Variants in TOX4 observed in about 807,000 individuals in gnomAD.
The protein encoded by TOX4 is epidermal Langerhans cell protein LCP1.
A neutral mutation model predicts 61.0 loss-of-function variants in TOX4; 12 were observed. The observed-to-expected ratio is 0.20, with a 90% CI of 0.13 to 0.32. TOX4 has a LOEUF of 0.32. Ranked by LOEUF, TOX4 falls within the 10% of genes least tolerant of loss-of-function variation. The pLI is 1.00. For missense variants in TOX4, 499 were observed against 753.3 expected, an observed-to-expected ratio of 0.66 and a Z score of 3.95; for synonymous variants, 268 against 274.8, an observed-to-expected ratio of 0.98 and a Z score of 0.24.
At position 21,477,512 on chromosome 14, in the gene TOX4, A is replaced by T; in HGVS notation, c.23A>T (p.Asp8Val). Residue 8 changes from aspartate to valine, a missense_variant, in exon 2 of 9, where the codon GAC becomes GTC. Physicochemically the swap from Asp to Val is radical, Grantham distance 152. Coordinates refer to ENST00000448790, the MANE Select transcript of TOX4 (RefSeq NM_014828.4). MEFPGGN[D>V]NYLTITGPSH... ...GGTTTCCAGTTTCCCGGAGGAAATG[A>T]CAATTACCTGACGATCACAGGGCCT... 6.2e-7 allele frequency: 1 copy of T among 1,613,590 alleles called. No homozygotes were observed. Among genetic ancestry groups the T allele is most frequent in the Non-Finnish European group, 8.5e-7 (1 of 1,180,036 alleles).
At chr14:21,490,850 A>T (rs1238188482) in intron 5 of TOX4, among the ~76,000 whole-genome samples, 2 of 152,192 alleles carry the variant, frequency 1.3e-5, no homozygotes, top group Non-Finnish European at 2.9e-5. Flanking sequence ...TTTGAGATGG[A>T]ATTTCGCTCC....
At chr14:21,487,983 C>A in intron 3 of TOX4, 2 of 222,994 alleles carry the variant, frequency 9.0e-6, no homozygotes, top group Non-Finnish European at 8.5e-6. Context: ...TCCTAGGATT[C>A]AAATTTGAAT....
rs978221105 is a variant in TOX4, at chr14:21,496,892, G to A, written c.*286G>A. The A allele has an allele frequency of 1.2e-5, 4 of 326,950 alleles. No individual in the cohort carries two copies. Among genetic ancestry groups the A allele is most frequent in the Admixed American group, 9.2e-5 (2 of 21,752 alleles). The allele number at this position is 326,950 out of a possible 1,614,324, so 20.3% of individuals were successfully genotyped here. A position where few individuals can be genotyped will look rare whatever the true frequency, so the allele number is the denominator to read the frequency against. On this transcript the variant is annotated 3_prime_UTR_variant, in exon 9 of 9. Coordinates refer to ENST00000448790, the MANE Select transcript of TOX4 (RefSeq NM_014828.4). ...AGCATAGAGATGGTGGGGTGGTGGTGGGGTTGAAGAAACTTGTTGGTATAA... is the reference window on the plus strand; with the variant it reads ...AGCATAGAGATGGTGGGGTGGTGGTAGGGTTGAAGAAACTTGTTGGTATAA...
intron 5 of TOX4, 115 bp from the exon 6 acceptor site, chr14:21,492,181 T>C: frequency 3.1e-6 from 3 of 968,298 alleles, no homozygotes; most frequent in Non-Finnish European, 4.6e-6. Context: ...TGATAGAGGT[T>C]GTCAGTGATT....
chr14:21,481,082 C>T (rs553012236), intron 2 of TOX4, among the ~76,000 whole-genome samples: 1 of 152,228 alleles, frequency 6.6e-6, no homozygotes, highest in South Asian at 2.1e-4. Flanking sequence ...AAGAGAGAAA[C>T]TCCGTCTCAA....
In TOX4 at chr14:21,498,066, C is replaced by A; in HGVS notation, c.*1460C>A. On this transcript the variant is annotated 3_prime_UTR_variant, in exon 9 of 9. Coordinates refer to ENST00000448790, the MANE Select transcript of TOX4 (RefSeq NM_014828.4). ...CCAATGAGGTAATACTCCCATTTCA[C>A]ATATAATACTGAGAGATGAGTTGCA... 5.2e-6 allele frequency: 3 copies of A among 572,366 alleles called. No homozygotes were observed. The highest frequency in any genetic ancestry group is 9.3e-6 in the Non-Finnish European group (3 of 322,910). The allele number at this position is 572,366 out of a possible 1,614,324, so 35.5% of individuals were successfully genotyped here. A position where few individuals can be genotyped will look rare whatever the true frequency, so the allele number is the denominator to read the frequency against.
At chr14:21,483,387 C>CT (rs34480307) in intron 2 of TOX4, among the ~76,000 whole-genome samples, 92,626 of 143,096 alleles carry the variant, frequency 0.65, 29,824 homozygotes, top group East Asian at 0.69. Flanking sequence ...GTTCCTATAA[C>CT]TTTTTTTTTT....
In TOX4 at chr14:21,477,212, AGTTC is replaced by A; in HGVS notation, c.-66_-63del. ...CACACGTCCTTGCGGAAGTGACGGC[AGTTC>A]CGAGTCCAGTGGGGGCGGTGGGAGC... On this transcript the variant is annotated 5_prime_UTR_variant, in exon 1 of 9. Coordinates refer to ENST00000448790, the MANE Select transcript of TOX4 (RefSeq NM_014828.4). 6.2e-7 allele frequency: 1 copy of A among 1,613,708 alleles called. No homozygotes were observed. The highest frequency in any genetic ancestry group is 1.1e-5 in the South Asian group (1 of 91,066).
intron 8 of TOX4, chr14:21,495,868 T>A (rs1891388368): frequency 6.5e-6 from 1 of 152,932 alleles, no homozygotes; most frequent in African/African-American, 2.4e-5. Flanking sequence ...TTCTATTTCC[T>A]ATTTCAAAAA....
chr14:21,493,322 A>G (rs1246765753), intron 7 of TOX4, 65 bp downstream of exon 7: 55 of 1,516,548 alleles, frequency 3.6e-5, no homozygotes, highest in East Asian at 2.1e-4. Flanking sequence ...GGTTGACCCA[A>G]TAACAGTGGG....
In TOX4 at chr14:21,487,519, C is replaced by T. The variant is rs570717906; in HGVS notation, c.144C>T (p.Pro48=). 42 of 1,614,100 alleles carry T rather than the reference C, an allele frequency of 2.6e-5. No homozygotes were observed. The highest frequency in any genetic ancestry group is 3.4e-5 in the Non-Finnish European group (40 of 1,179,984). ...CACCTATCTCCTTGGATTCTGATCC[C>T]TCATTGGCTGTCTCAGATGTGGTTG... ...EIPPISLDSD[P]SLAVSDVVGH... Residue 48 remains proline (P), a synonymous_variant, in exon 3 of 9, where the codon CCC becomes CCT. Coordinates refer to ENST00000448790, the MANE Select transcript of TOX4 (RefSeq NM_014828.4).
Position 21,493,201 on chromosome 14 carries a change from G to C in TOX4, c.1585G>C (p.Val529Leu), listed in dbSNP as rs1359805978. 4.3e-6 allele frequency: 7 copies of C among 1,613,972 alleles called. No individual in the cohort carries two copies. In the South Asian group the frequency reaches 6.6e-5, roughly 15 times the overall value. Reference sequence around the variant, plus strand: ...GAACAACAGCCCTGAGGCCCATACAGTGGAGGCACCTTCTCCTGAGACTAT... The same window carrying C: ...GAACAACAGCCCTGAGGCCCATACACTGGAGGCACCTTCTCCTGAGACTAT... ...PMNNSPEAHT[V>L]EAPSPETICE... The change falls in exon 7 of 9, where the codon GTG (valine) becomes CTG (leucine). Residue 529 changes from valine (V) to leucine (L), a missense_variant. Transcript: ENST00000448790.
rs138929765 is a variant in TOX4, at chr14:21,484,672, T to TA, written c.76-2779_76-2778insA. On this transcript the variant is annotated intron_variant, in intron 2 of 8. Coordinates refer to ENST00000448790, the MANE Select transcript of TOX4 (RefSeq NM_014828.4). The stretch of plus-strand genomic sequence containing the variant: ...GCCTTTATTTTCTTTCTTTTTCTTT[T>TA]TTTTTAGACATGGTCTTGGTCTGTC... Among the ~76,000 whole-genome samples the TA allele has an allele frequency of 6.5e-4, 68 of 104,382 alleles. 17 individuals are homozygous for TA. The highest frequency in any genetic ancestry group is 2.5e-3 in the African/African-American group (68 of 27,694). The allele number at this position is 104,382 out of a possible 152,430, so 68.5% of individuals were successfully genotyped here.
intron 2 of TOX4, among the ~76,000 whole-genome samples, chr14:21,481,717 G>A (rs1021248978): frequency 2.6e-5 from 4 of 152,072 alleles, no homozygotes. Context: ...AAAAAATGGT[G>A]TATTTGTGAA....
Position 21,484,784 on chromosome 14 carries a change from G to C in TOX4, c.76-2667G>C, listed in dbSNP as rs1483329911. 1.9e-5 allele frequency among the ~76,000 whole-genome samples: 2 copies of C among 104,890 alleles called. 1 individual carries two copies. Among genetic ancestry groups the C allele is most frequent in the Non-Finnish European group, 4.2e-5 (2 of 47,794 alleles). 68.8% of individuals were successfully genotyped at this position (104,890 alleles called of 152,430 possible). A position where few individuals can be genotyped will look rare whatever the true frequency, so the allele number is the denominator to read the frequency against. On this transcript the variant is annotated intron_variant, in intron 2 of 8. Transcript: ENST00000448790. ...AGTGATCCTCGTGCCTCAGCCTCTCGAGTAGCTAGGATTATAGGTGTGTGC... is the reference window on the plus strand; with the variant it reads ...AGTGATCCTCGTGCCTCAGCCTCTCCAGTAGCTAGGATTATAGGTGTGTGC...
intron 5 of TOX4, among the ~76,000 whole-genome samples, chr14:21,490,215 C>T (rs369533718): frequency 2.7e-5 from 4 of 150,248 alleles, no homozygotes; most frequent in Non-Finnish European, 5.9e-5. Flanking sequence ...CGGTGGCTCA[C>T]GCCTGTTAAT....
chr14:21,492,222 A>G lies in TOX4; in HGVS notation c.811-74A>G, dbSNP rs959732944. 13 of 1,355,004 alleles carry G rather than the reference A, an allele frequency of 9.6e-6. No individual in the cohort carries two copies. The African/African-American group carries it at 1.9e-4, about 20-fold the overall frequency. 83.9% of individuals were successfully genotyped at this position (1,355,004 alleles called of 1,614,324 possible). A position where few individuals can be genotyped will look rare whatever the true frequency, so the allele number is the denominator to read the frequency against. ...AAGATGAATTGTCATTCATTGATAA[A>G]TAATACAGAACTATCAGTCTTTCCT... is the stretch of plus-strand genomic sequence containing the variant. On this transcript the variant is annotated intron_variant, in intron 5 of 8. Coordinates refer to ENST00000448790, the MANE Select transcript of TOX4 (RefSeq NM_014828.4).
At chr14:21,492,157 A>G in intron 5 of TOX4, 139 bp from the exon 6 acceptor site, 11 of 787,878 alleles carry the variant, frequency 1.4e-5, no homozygotes, top group Non-Finnish European at 2.0e-5. Flanking sequence ...GTTAGCTTTC[A>G]GAATTGAATT....
Position 21,495,160 on chromosome 14 carries a change from A to G in TOX4, c.1642-69A>G, listed in dbSNP as rs149624940. The G allele has an allele frequency of 5.8e-4, 895 of 1,541,846 alleles. 4 individuals carry two copies. The African/African-American group carries it at 0.011, about 19-fold the overall frequency. ...TGTTGCTTCATTGGTTTCTACAGAT[A>G]ATTTAGCTAACTAGCTAGCTAGGCA... On this transcript the variant is annotated intron_variant, in intron 7 of 8. Transcript: ENST00000448790.
Sources: allele counts gnomAD v4.1 joint callset (sites outside exome capture counted in the v4.1 genomes callset), GRCh38; gene constraint gnomAD v4.1.1; transcripts MANE v1.5; gene names NCBI Gene and HGNC (gene_info 2026-07-23, HGNC 2026-07-21).